The following NRG3 variants were observed in gnomAD, a reference collection of about 807,000 sequenced individuals.
NRG3 encodes neuregulin 3.
A neutral mutation model predicts 66.9 loss-of-function variants in NRG3; 31 were observed. That is an observed-to-expected ratio of 0.46 (90% confidence interval 0.35 to 0.63). The LOEUF is 0.63. Among genes scored for constraint, NRG3 ranks in the 20% least tolerant of loss-of-function variants. NRG3 has a pLI of 0.00. For missense variants in NRG3, 910 were observed against 878.9 expected (o/e 1.04, Z -0.45); for synonymous variants, 393 against 359.4 (o/e 1.09, Z -1.06).
intron 2 of NRG3, among the ~76,000 whole-genome samples, chr10:82,516,853 T>C (rs1260611039): frequency 1.3e-5 from 2 of 152,132 alleles, no homozygotes; most frequent in Non-Finnish European, 2.9e-5. Flanking sequence ...AGGAAAAATA[T>C]ATGATGTCAA....
At chr10:81,957,257 G>C (rs1849925959) in intron 1 of NRG3, among the ~76,000 whole-genome samples, 2 of 152,220 alleles carry the variant, frequency 1.3e-5, no homozygotes, top group South Asian at 4.2e-4. Context: ...ATAAAACTTA[G>C]GGTGTTGTTA....
chr10:82,306,494 G>T (rs1249260483), intron 1 of NRG3, among the ~76,000 whole-genome samples: 1 of 151,536 alleles, frequency 6.6e-6, no homozygotes, highest in African/African-American at 2.4e-5. Flanking sequence ...ACGAGGTCAG[G>T]AGATCCAGAC....
chr10:82,627,495 G>A (rs2049511517), intron 2 of NRG3, among the ~76,000 whole-genome samples: 1 of 152,054 alleles, frequency 6.6e-6, no homozygotes, highest in African/African-American at 2.4e-5. Context: ...ACAATAATAT[G>A]CTGAAAAAAT....
chr10:82,707,249 C>T (rs1169848942), intron 2 of NRG3, among the ~76,000 whole-genome samples: 1 of 151,912 alleles, frequency 6.6e-6, no homozygotes, highest in Non-Finnish European at 1.5e-5. Context: ...CAACATTTCA[C>T]AGTGTATGGA....
intron 3 of NRG3, among the ~76,000 whole-genome samples, chr10:82,813,030 A>G (rs539629297): frequency 2.0e-5 from 3 of 152,272 alleles, no homozygotes; most frequent in African/African-American, 7.2e-5. Flanking sequence ...ATTTTCAGTC[A>G]TGCAATAACT....
chr10:81,984,208 T>C (rs984974579), intron 1 of NRG3, among the ~76,000 whole-genome samples: 2 of 152,138 alleles, frequency 1.3e-5, no homozygotes, highest in Admixed American at 6.5e-5. Flanking sequence ...TGCAAGATAA[T>C]AAAATTTTGT....
intron 2 of NRG3, among the ~76,000 whole-genome samples, chr10:82,526,065 A>C (rs559997975): frequency 6.6e-6 from 1 of 152,124 alleles, no homozygotes; most frequent in Admixed American, 6.5e-5. Flanking sequence ...GGGTGGACAC[A>C]GTCTAAGTTA....
intron 2 of NRG3, among the ~76,000 whole-genome samples, chr10:82,723,601 T>C (rs549375311): frequency 2.6e-5 from 4 of 152,148 alleles, no homozygotes; most frequent in East Asian, 1.9e-4. Flanking sequence ...AAAAATAGAA[T>C]GATAGTCTAT....
At chr10:82,938,614 A>G (rs1444805899) in intron 4 of NRG3, among the ~76,000 whole-genome samples, 3 of 152,234 alleles carry the variant, frequency 2.0e-5, no homozygotes, top group East Asian at 1.9e-4. Context: ...TTTAGCTTAC[A>G]CCTCATCTGT....
At chr10:82,228,209 T>G (rs898661559) in intron 1 of NRG3, among the ~76,000 whole-genome samples, 1 of 152,128 alleles carries the variant, frequency 6.6e-6, no homozygotes, top group South Asian at 2.1e-4. Context: ...TACAATACAA[T>G]AGGAGTGAGT....
chr10:82,302,087 G>T (rs1589649104), intron 1 of NRG3, among the ~76,000 whole-genome samples: 1 of 147,910 alleles, frequency 6.8e-6, no homozygotes, highest in Non-Finnish European at 1.5e-5. Flanking sequence ...TTTTCAACTT[G>T]GTCAAAATAC....
intron 1 of NRG3, among the ~76,000 whole-genome samples, chr10:82,139,414 G>A (rs989647509): frequency 1.3e-5 from 2 of 152,074 alleles, no homozygotes; most frequent in Non-Finnish European, 2.9e-5. Context: ...ATTATACCAC[G>A]TGAAAGATTC....
intron 1 of NRG3, among the ~76,000 whole-genome samples, chr10:81,909,854 C>T (rs1160203014): frequency 2.0e-5 from 3 of 152,126 alleles, no homozygotes; most frequent in Non-Finnish European, 4.4e-5. Context: ...AGGAAATATG[C>T]GTGATGCTTT....
At chr10:82,962,839 A>AAAAC (rs1290162910) in intron 6 of NRG3, among the ~76,000 whole-genome samples, 2 of 152,160 alleles carry the variant, frequency 1.3e-5, no homozygotes, top group African/African-American at 2.4e-5. Context: ...ACTCAGCCTC[A>AAAAC]AAACAAACAA....
At chr10:82,125,018 C>A (rs920250531) in intron 1 of NRG3, among the ~76,000 whole-genome samples, 12 of 151,992 alleles carry the variant, frequency 7.9e-5, no homozygotes, top group African/African-American at 2.9e-4. Context: ...CCTGTATATT[C>A]TCAATATTCA....
chr10:82,643,575 A>G (rs1703963576), intron 2 of NRG3, among the ~76,000 whole-genome samples: 1 of 152,104 alleles, frequency 6.6e-6, no homozygotes, highest in Admixed American at 6.6e-5. Context: ...AATAGATCAG[A>G]GGGTCTAAAA....
chr10:82,500,393 G>A lies in NRG3; in HGVS notation c.953+141525G>A, dbSNP rs141441802. On this transcript the variant is annotated intron_variant, in intron 2 of 8. Transcript: ENST00000372141. ...TCAGTGTCCCCATTGCATATACTTG[G>A]CAAGTCCACCCAAACCTATCTCTTT... Among the ~76,000 whole-genome samples the A allele has an allele frequency of 3.5e-4, 54 of 152,214 alleles. 2 individuals are homozygous for A. The East Asian group carries it at 4.2e-3, about 12-fold the overall frequency.
intron 2 of NRG3, among the ~76,000 whole-genome samples, chr10:82,519,988 G>A (rs1846041814): frequency 2.0e-5 from 3 of 152,156 alleles, no homozygotes; most frequent in African/African-American, 7.2e-5. Flanking sequence ...AAAATGTTTA[G>A]GGCTTTGCCT....
At chr10:82,824,402 G>C (rs148664981) in intron 3 of NRG3, among the ~76,000 whole-genome samples, 92 of 152,258 alleles carry the variant, frequency 6.0e-4, no homozygotes, top group African/African-American at 2.0e-3. Context: ...AAATTGCTGA[G>C]TTATATGGTA....
Sources: allele counts gnomAD v4.1 joint callset (sites outside exome capture counted in the v4.1 genomes callset), GRCh38; gene constraint gnomAD v4.1.1; transcripts MANE v1.5; gene names NCBI Gene and HGNC (gene_info 2026-07-23, HGNC 2026-07-21).